Variants in WDR20 observed in about 807,000 individuals in gnomAD.
WDR20 encodes WD repeat domain 20.
A neutral mutation model predicts 38.7 loss-of-function variants in WDR20; 3 were observed. That is an observed-to-expected ratio of 0.08 (90% CI 0.04 to 0.20). The LOEUF is 0.20. Ranked by LOEUF, WDR20 falls within the 10% of genes least tolerant of loss-of-function variation. The pLI, the probability that WDR20 is intolerant of heterozygous loss-of-function variation, is 1.00. For missense variants in WDR20, 559 were observed against 727.7 expected (o/e 0.77, Z 2.67); for synonymous variants, 298 against 285.6 (o/e 1.04, Z -0.44).
At chr14:102,201,373 A>AAAAAAG (rs1183872341) in intron 2 of WDR20, among the ~76,000 whole-genome samples, 2 of 152,220 alleles carry the variant, frequency 1.3e-5, no homozygotes, top group African/African-American at 2.4e-5. Context: ...TAGTAATGAA[A>AAAAAAG]AAAAAGAAAA....
intron 1 of WDR20, among the ~76,000 whole-genome samples, chr14:102,173,140 C>T (rs999071231): frequency 6.6e-6 from 1 of 151,080 alleles, no homozygotes; most frequent in East Asian, 1.9e-4. Context: ...TTGGAGGCAG[C>T]CTTATTCTGT....
intron 1 of WDR20, among the ~76,000 whole-genome samples, chr14:102,170,773 A>G (rs1407762773): frequency 6.6e-6 from 1 of 152,026 alleles, no homozygotes; most frequent in African/African-American, 2.4e-5. Flanking sequence ...GACTATAGGC[A>G]TGCACCACCA....
In WDR20 at chr14:102,140,091, C is replaced by T. The variant is rs534709063; in HGVS notation, c.168C>T (p.Asn56=). ...TCCGCGTCTCCTTCGTAAACCTCAA[C>T]GACCAGTCTGGCAACGGCGACCGCC... is the stretch of plus-strand genomic sequence containing the variant. ...NPVRVSFVNL[N]DQSGNGDRLC... The change falls in exon 1 of 3, where the codon AAC becomes AAT. Residue 56 remains asparagine (N), a synonymous_variant. Coordinates refer to ENST00000342702, the MANE Select transcript of WDR20 (RefSeq NM_144574.4). 1 of 1,614,204 alleles carries T rather than the reference C, an allele frequency of 6.2e-7. No homozygotes were observed. The highest frequency in any genetic ancestry group is 8.5e-7 in the Non-Finnish European group (1 of 1,180,038).
chr14:102,197,975 C>A (rs878907304), intron 2 of WDR20: 2 of 560,504 alleles, frequency 3.6e-6, no homozygotes, highest in Admixed American at 3.0e-5. Flanking sequence ...TGACCCCTCT[C>A]AGGAGGGAAG....
chr14:102,154,126 G>C (rs1347588758), intron 1 of WDR20, among the ~76,000 whole-genome samples: 1 of 152,176 alleles, frequency 6.6e-6, no homozygotes, highest in East Asian at 1.9e-4. Flanking sequence ...TCATGCTACT[G>C]CATTCCAGCC....
intron 1 of WDR20, among the ~76,000 whole-genome samples, chr14:102,159,434 G>A (rs1566847193): frequency 6.6e-6 from 1 of 152,196 alleles, no homozygotes; most frequent in Non-Finnish European, 1.5e-5. Context: ...CCCATTTACT[G>A]AATTAAATCT....
downstream of WDR20, chr14:102,213,801 T>C: frequency 1.0e-6 from 1 of 985,454 alleles, no homozygotes; most frequent in Non-Finnish European, 1.2e-6. Context: ...TTTCTTTCTT[T>C]GTTGAGCGAG....
intron 2 of WDR20, among the ~76,000 whole-genome samples, chr14:102,201,933 T>C (rs1223670345): frequency 6.6e-6 from 1 of 152,112 alleles, no homozygotes. Flanking sequence ...ACCCCTGCCC[T>C]GGAGGGGCTG....
Position 102,209,294 on chromosome 14 carries a change from A to G in WDR20, c.1124A>G (p.Asp375Gly). The G allele has an allele frequency of 6.2e-7, 1 of 1,614,196 alleles. No homozygotes were observed. Among genetic ancestry groups the G allele is most frequent in the Non-Finnish European group, 8.5e-7 (1 of 1,180,034 alleles). ...VTYRFGSVGQDTQLCLWDLTE... is the reference protein window; with the variant it reads ...VTYRFGSVGQGTQLCLWDLTE... ...TATCGGTTTGGTTCCGTGGGCCAGG[A>G]CACACAGCTCTGTTTATGGGACCTT... Residue 375 changes from aspartate (D) to glycine (G), a missense_variant, in exon 3 of 3, where the codon GAC becomes GGC. Transcript: ENST00000342702. The surrounding 1 kb of genome is among the most constrained non-coding windows in gnomAD (Gnocchi z 6.0).
chr14:102,185,724 AG>A (rs1354434223), intron 1 of WDR20, among the ~76,000 whole-genome samples: 1 of 151,974 alleles, frequency 6.6e-6, no homozygotes, highest in Non-Finnish European at 1.5e-5. Flanking sequence ...ACACCCAAGA[AG>A]GCATTTATTC....
intron 1 of WDR20, among the ~76,000 whole-genome samples, chr14:102,143,039 A>C (rs1566769570): frequency 6.6e-6 from 1 of 151,996 alleles, no homozygotes; most frequent in Non-Finnish European, 1.5e-5. Flanking sequence ...GATCCTTTTA[A>C]AAGGTTTACA....
At chr14:102,149,199 A>G (rs2054839560) in intron 1 of WDR20, among the ~76,000 whole-genome samples, 1 of 151,560 alleles carries the variant, frequency 6.6e-6, no homozygotes. Flanking sequence ...ACATAAATAC[A>G]TTTTTTTCTT....
At chr14:102,213,363 T>C, downstream of WDR20, 1 of 985,476 alleles carries the variant, frequency 1.0e-6, no homozygotes, top group Non-Finnish European at 1.2e-6. Flanking sequence ...GGTCGAAATT[T>C]GCTTAAATCA....
chr14:102,181,364 G>A (rs1285237007), intron 1 of WDR20, among the ~76,000 whole-genome samples: 1 of 152,176 alleles, frequency 6.6e-6, no homozygotes. Context: ...CCTGGGCATG[G>A]TGTACTTACA....
upstream of WDR20, chr14:102,139,660 C>T (rs2050212804): frequency 1.5e-6 from 1 of 648,066 alleles, no homozygotes; most frequent in Non-Finnish European, 2.6e-6. Flanking sequence ...ACCTGGGAAG[C>T]AGCCATGCCG....
chr14:102,218,126 C>G (rs889694765), downstream of WDR20, among the ~76,000 whole-genome samples: 2 of 152,268 alleles, frequency 1.3e-5, no homozygotes, highest in African/African-American at 4.8e-5. Context: ...AAGCGCTAGT[C>G]TGCCCGCCCG....
intron 1 of WDR20, among the ~76,000 whole-genome samples, chr14:102,165,543 G>C (rs958828127): frequency 6.6e-6 from 1 of 151,386 alleles, no homozygotes; most frequent in Non-Finnish European, 1.5e-5. Flanking sequence ...GGAGCTTCTT[G>C]TATGTTAGCT....
intron 2 of WDR20, among the ~76,000 whole-genome samples, chr14:102,200,393 C>T (rs1048435748): frequency 2.6e-5 from 4 of 152,144 alleles, no homozygotes; most frequent in African/African-American, 9.6e-5. Context: ...AGAGGAGAGT[C>T]ACCCGGTCAC....
chr14:102,224,746 G>A (rs942783381), downstream of WDR20: 10 of 456,056 alleles, frequency 2.2e-5, no homozygotes, highest in African/African-American at 1.4e-4. Context: ...ACTCGAAGGC[G>A]CCAGCAGGGA....
Sources: allele counts gnomAD v4.1 joint callset (sites outside exome capture counted in the v4.1 genomes callset), GRCh38; gene constraint gnomAD v4.1.1; non-coding constraint Gnocchi (gnomAD v3.1); transcripts MANE v1.5; gene names NCBI Gene and HGNC (gene_info 2026-07-23, HGNC 2026-07-21).